The following VPS13B variants were observed in gnomAD, a reference collection of about 807,000 sequenced individuals.
VPS13B encodes the protein vacuolar protein sorting 13 homolog B.
A neutral mutation model predicts 426.4 loss-of-function variants in VPS13B; 285 were observed. The ratio of observed to expected loss-of-function variants is 0.67; its 90% CI spans 0.61 to 0.74. VPS13B has a LOEUF of 0.74. Among genes scored for constraint, VPS13B ranks in the 30% least tolerant of loss-of-function variants. VPS13B has a pLI of 0.00. For synonymous variants in VPS13B, 1,676 were observed against 1,676.4 expected (o/e 1.00, Z 0.01); for missense variants, 4,537 against 4,782.6 (o/e 0.95, Z 1.51).
At chr8:99,089,749 C>T (rs764265978) in intron 3 of VPS13B, among the ~76,000 whole-genome samples, 1 of 152,150 alleles carries the variant, frequency 6.6e-6, no homozygotes, top group African/African-American at 2.4e-5. Context: ...GTGCCAGACT[C>T]TTAGTTAATT....
chr8:99,708,060 C>T (rs938508829), intron 36 of VPS13B, among the ~76,000 whole-genome samples: 5 of 152,116 alleles, frequency 3.3e-5, no homozygotes, highest in Admixed American at 3.3e-4. Flanking sequence ...ATTCAATTAA[C>T]CAGCTACTGA....
At chr8:99,224,014 T>A (rs1380088822) in intron 17 of VPS13B, among the ~76,000 whole-genome samples, 1 of 152,166 alleles carries the variant, frequency 6.6e-6, no homozygotes, top group Non-Finnish European at 1.5e-5. Context: ...GGATTTAACA[T>A]CCTAACAAAA....
intron 33 of VPS13B, among the ~76,000 whole-genome samples, chr8:99,613,278 G>C (rs147142202): frequency 9.2e-5 from 14 of 152,286 alleles, no homozygotes; most frequent in African/African-American, 1.9e-4. Context: ...TCTCAGCATT[G>C]CTGATGCCTC....
chr8:99,783,323 C>A (rs1469791187), intron 42 of VPS13B, among the ~76,000 whole-genome samples: 1 of 152,232 alleles, frequency 6.6e-6, no homozygotes, highest in Non-Finnish European at 1.5e-5. Flanking sequence ...TAGAGGCCAA[C>A]TGGAGAAGCA....
At chr8:99,417,634 A>T (rs186655076) in intron 21 of VPS13B, among the ~76,000 whole-genome samples, 1 of 152,244 alleles carries the variant, frequency 6.6e-6, no homozygotes, top group Non-Finnish European at 1.5e-5. Flanking sequence ...TTGGTAATCT[A>T]TATATAACTT....
intron 30 of VPS13B, among the ~76,000 whole-genome samples, chr8:99,549,002 G>A (rs1016006146): frequency 6.6e-6 from 1 of 151,938 alleles, no homozygotes; most frequent in African/African-American, 2.4e-5. Context: ...TTTATAATTT[G>A]TAATAGAAAT....
chr8:99,637,777 G>A (rs1829129895), intron 33 of VPS13B, among the ~76,000 whole-genome samples: 1 of 152,106 alleles, frequency 6.6e-6, no homozygotes, highest in African/African-American at 2.4e-5. Context: ...GTATAAATCT[G>A]TAAATCAGAA....
At chr8:99,279,389 C>T (rs1344803409) in intron 19 of VPS13B, among the ~76,000 whole-genome samples, 2 of 151,870 alleles carry the variant, frequency 1.3e-5, no homozygotes, top group Admixed American at 1.3e-4. Flanking sequence ...TCAAATGATT[C>T]TCATGCCTTA....
At chr8:99,467,390 A>G (rs1819165824) in intron 23 of VPS13B, 24 bp from the exon 24 acceptor site, 1 of 1,605,116 alleles carries the variant, frequency 6.2e-7, no homozygotes, top group South Asian at 1.1e-5. Flanking sequence ...GTGCTTCCCT[A>G]TTCCCTTTTA....
chr8:99,740,009 C>G (rs1025437383), intron 39 of VPS13B, among the ~76,000 whole-genome samples: 4 of 152,012 alleles, frequency 2.6e-5, no homozygotes, highest in East Asian at 3.9e-4. Flanking sequence ...AGGCTTCAGA[C>G]GATCAAACTA....
intron 31 of VPS13B, among the ~76,000 whole-genome samples, chr8:99,557,226 G>A (rs1824632365): frequency 1.3e-5 from 2 of 151,820 alleles, no homozygotes; most frequent in Admixed American, 1.3e-4. Context: ...CTGGGATCTT[G>A]GTACACCCAT....
chr8:99,555,584 A>G (rs1213042131), intron 30 of VPS13B, among the ~76,000 whole-genome samples: 1 of 152,226 alleles, frequency 6.6e-6, no homozygotes, highest in Non-Finnish European at 1.5e-5. Flanking sequence ...ACTTTTCTGA[A>G]CCAACAAAAC....
intron 39 of VPS13B, 113 bp from the exon 40 acceptor site, chr8:99,766,661 C>G: frequency 2.3e-6 from 2 of 866,418 alleles, no homozygotes; most frequent in Admixed American, 2.7e-5. Context: ...TAACCTTATT[C>G]TCCTCTAAAG....
At position 99,699,555 on chromosome 8, in the gene VPS13B, T is replaced by A. The variant is rs1293372026; in HGVS notation, c.6077T>A (p.Leu2026Ter). 6.2e-7 allele frequency: 1 copy of A among 1,613,884 alleles called. No individual in the cohort carries two copies. Among genetic ancestry groups the A allele is most frequent in the Non-Finnish European group, 8.5e-7 (1 of 1,180,018 alleles). ...GTCAATTTGGATATATCAAAGCCTT[T>A]GAAAGCAAACCTGAGTTTCACCAAA... ...ADVNLDISKP[L>*]KANLSFTKLD... Residue 2026 changes from leucine to a stop codon, truncating the protein, a stop_gained, in exon 36 of 62, where the codon TTG becomes TAG. Coordinates refer to ENST00000357162, the MANE Select transcript of VPS13B (RefSeq NM_152564.5). LOFTEE classifies it high-confidence loss of function.
chr8:99,297,641 G>A (rs1820117380), intron 19 of VPS13B, among the ~76,000 whole-genome samples: 1 of 152,166 alleles, frequency 6.6e-6, no homozygotes, highest in South Asian at 2.1e-4. Context: ...ATATTAAGAA[G>A]TGTTAGCAAT....
intron 19 of VPS13B, among the ~76,000 whole-genome samples, chr8:99,358,580 C>T (rs1054725748): frequency 1.3e-5 from 2 of 152,122 alleles, no homozygotes; most frequent in Admixed American, 6.5e-5. Flanking sequence ...TTTCTATACC[C>T]AGTAGTCAAA....
At chr8:99,779,635 C>CA (rs1385544351) in intron 42 of VPS13B, among the ~76,000 whole-genome samples, 2 of 151,488 alleles carry the variant, frequency 1.3e-5, no homozygotes, top group African/African-American at 4.8e-5. Flanking sequence ...TAAACCAAAC[C>CA]AAAAAAAGGG....
chr8:99,530,396 C>T (rs1373258342), intron 30 of VPS13B, among the ~76,000 whole-genome samples: 1 of 152,050 alleles, frequency 6.6e-6, no homozygotes, highest in Admixed American at 6.6e-5. Flanking sequence ...GGGCGGATCA[C>T]CTGAGGTCAG....
rs138010679 is a variant in VPS13B at position 99,112,932 on chromosome 8, G to A, written c.762+1653G>A. ...TCATAAATAAACTTGTATAATAGTT[G>A]CCAAATATGTGATATCAATGTGTTA... On this transcript the variant is annotated intron_variant, in intron 6 of 61. Coordinates refer to ENST00000357162, the MANE Select transcript of VPS13B (RefSeq NM_152564.5). Among the ~76,000 whole-genome samples the A allele has an allele frequency of 6.0e-4, 92 of 152,204 alleles. 1 individual carries two copies. The highest frequency in any genetic ancestry group is 1.9e-3 in the African/African-American group (79 of 41,546).
Sources: allele counts gnomAD v4.1 joint callset (sites outside exome capture counted in the v4.1 genomes callset), GRCh38; gene constraint gnomAD v4.1.1; transcripts MANE v1.5; gene names NCBI Gene and HGNC (gene_info 2026-07-23, HGNC 2026-07-21).